TXNRD3: variants seen among roughly 807,000 people sequenced by gnomAD.
TXNRD3 encodes thioredoxin reductase 3.
TXNRD3 carries 68 observed loss-of-function variants against 78.2 expected under a neutral mutation model. The ratio of observed to expected loss-of-function variants is 0.87; its 90% confidence interval spans 0.72 to 1.06. The LOEUF (loss-of-function observed/expected upper bound fraction) is 1.06, where lower values mean the gene tolerates loss of function less well. Ranked by LOEUF, TXNRD3 falls within the 50% of genes least tolerant of loss-of-function variation. TXNRD3 has a pLI of 0.00. For synonymous variants in TXNRD3, 296 were observed against 300.1 expected (o/e 0.99, Z 0.14); for missense variants, 751 against 809.5 (o/e 0.93, Z 0.88).
rs116188089 is a variant in TXNRD3 at position 126,636,207 on chromosome 3, C to A, written c.713-2156G>T. On this transcript the variant is annotated intron_variant, in intron 6 of 15. Coordinates refer to ENST00000524230, the MANE Select transcript of TXNRD3 (RefSeq NM_052883.3). ...CCTGCCACAGTCTCACAAAAGCAAT[C>A]AACTTAACTCATTAGTTCTAATATT... 3.1e-3 allele frequency among the ~76,000 whole-genome samples: 477 copies of A among 152,266 alleles called. 4 individuals carry two copies. Among genetic ancestry groups the A allele is most frequent in the African/African-American group, 0.011 (450 of 41,550 alleles).
intron 10 of TXNRD3, chr3:126,624,776 G>A (rs900119193): frequency 6.6e-5 from 11 of 166,934 alleles, no homozygotes; most frequent in Non-Finnish European, 9.5e-5. Context: ...ATATCCACAC[G>A]GAAAGAAAAG....
intron 6 of TXNRD3, among the ~76,000 whole-genome samples, chr3:126,637,586 G>A (rs146548410): frequency 1.3e-5 from 2 of 151,840 alleles, no homozygotes; most frequent in African/African-American, 4.8e-5. Context: ...TACTTAAAAT[G>A]TAAAATTTCC....
At chr3:126,628,798 T>A (rs570057673) in intron 10 of TXNRD3, among the ~76,000 whole-genome samples, 67 of 152,258 alleles carry the variant, frequency 4.4e-4, no homozygotes, top group African/African-American at 1.6e-3. Context: ...ATAAGGTTGA[T>A]TTTTGGATTT....
chr3:126,631,330 A>G (rs935804069), intron 8 of TXNRD3, among the ~76,000 whole-genome samples: 2 of 152,160 alleles, frequency 1.3e-5, no homozygotes, highest in Non-Finnish European at 2.9e-5. Context: ...AGCTCAAAAA[A>G]GTTTGCAAGT....
At chr3:126,613,491 A>G (rs1938241995) in intron 13 of TXNRD3, among the ~76,000 whole-genome samples, 1 of 152,226 alleles carries the variant, frequency 6.6e-6, no homozygotes, top group Non-Finnish European at 1.5e-5. Flanking sequence ...AGCTCACAAC[A>G]TTGACAAACA....
At chr3:126,622,390 A>G (rs1418118390) in intron 11 of TXNRD3, 74 bp downstream of exon 11, 2 of 1,007,996 alleles carry the variant, frequency 2.0e-6, no homozygotes, top group African/African-American at 3.3e-5. Flanking sequence ...TAATTAAATG[A>G]GAATTTCTTA....
At chr3:126,646,741 A>C (rs1933243227) in intron 2 of TXNRD3, among the ~76,000 whole-genome samples, 1 of 152,224 alleles carries the variant, frequency 6.6e-6, no homozygotes, top group Non-Finnish European at 1.5e-5. Context: ...AGGTTCTATG[A>C]AGGCAGAAAT....
intron 1 of TXNRD3, among the ~76,000 whole-genome samples, chr3:126,652,286 C>T (rs932084982): frequency 6.6e-6 from 1 of 152,118 alleles, no homozygotes; most frequent in Non-Finnish European, 1.5e-5. Flanking sequence ...TGAGAATTCA[C>T]TATCATGAGG....
Position 126,634,025 on chromosome 3 carries a change from T to C in TXNRD3, c.739A>G (p.Lys247Glu), listed in dbSNP as rs1233414997. Residue 247 changes from lysine (K) to glutamate (E), a missense_variant, in exon 7 of 16, where the codon AAA becomes GAA. Transcript: ENST00000524230. ...GAGCTGATGTGGTTCTGAATCGCTT[T>C]TGTCATTGTCTCCCAGTTGTGCCTC... 21 of 1,517,572 alleles carry C rather than the reference T, an allele frequency of 1.4e-5. No individual in the cohort carries two copies. The highest frequency in any genetic ancestry group is 2.1e-5 in the Admixed American group (1 of 48,466). 94.0% of individuals were successfully genotyped at this position (1,517,572 alleles called of 1,614,324 possible).
At chr3:126,650,627 C>T (rs1933366085) in intron 1 of TXNRD3, among the ~76,000 whole-genome samples, 1 of 151,230 alleles carries the variant, frequency 6.6e-6, no homozygotes, top group Non-Finnish European at 1.5e-5. Context: ...GGCAACAGAG[C>T]AAGACCCCAT....
In TXNRD3 at chr3:126,630,817, T is replaced by C; in HGVS notation, c.1092A>G (p.Val364=). 6.5e-7 allele frequency: 1 copy of C among 1,535,614 alleles called. No individual in the cohort carries two copies. The highest frequency in any genetic ancestry group is 1.2e-5 in the South Asian group (1 of 84,040). ...CGAAGCCACGGAGAAGGATTGAGCG[T>C]ACCATAACTGTGACATCTAGGCCAA... The change falls in exon 9 of 16, where the codon GTA becomes GTG. Residue 364 remains valine, a synonymous_variant. Coordinates refer to ENST00000524230, the MANE Select transcript of TXNRD3 (RefSeq NM_052883.3).
At chr3:126,623,388 A>G (rs1559773040) in intron 10 of TXNRD3, among the ~76,000 whole-genome samples, 1 of 152,216 alleles carries the variant, frequency 6.6e-6, no homozygotes, top group Non-Finnish European at 1.5e-5. Flanking sequence ...AGACAAGTGC[A>G]TTAAAAGAAA....
intron 1 of TXNRD3, among the ~76,000 whole-genome samples, chr3:126,653,077 T>A (rs1933428430): frequency 1.3e-5 from 2 of 152,266 alleles, no homozygotes; most frequent in East Asian, 3.8e-4. Flanking sequence ...TTCTCACTAA[T>A]CTCTCTTAAA....
intron 5 of TXNRD3, 101 bp downstream of exon 5, chr3:126,643,880 G>T: frequency 2.7e-6 from 3 of 1,122,906 alleles, no homozygotes; most frequent in South Asian, 1.7e-5. Context: ...AGAAACAGGC[G>T]AGTTATACCT....
intron 1 of TXNRD3, among the ~76,000 whole-genome samples, chr3:126,650,674 T>G (rs902162946): frequency 2.0e-5 from 3 of 152,194 alleles, no homozygotes; most frequent in South Asian, 4.1e-4. Flanking sequence ...AAATCACCTT[T>G]GAAACTAAAC....
chr3:126,655,088 CCCTCGCTGG>C lies in TXNRD3; in HGVS notation c.-107_-99del. On this transcript the variant is annotated 5_prime_UTR_variant, in exon 1 of 16. Transcript: ENST00000524230. ...GGGGCCTGAGGGGCGGCGAACGCTGCCCTCGCTGGCCACTCTCACCACCCGCGCGAATCC... is the reference window on the plus strand; with the variant it reads ...GGGGCCTGAGGGGCGGCGAACGCTGCCCACTCTCACCACCCGCGCGAATCC... The C allele has an allele frequency of 3.1e-6, 4 of 1,298,578 alleles. No homozygotes were observed. Among genetic ancestry groups the C allele is most frequent in the Non-Finnish European group, 3.9e-6 (4 of 1,023,250 alleles). 80.4% of individuals were successfully genotyped at this position (1,298,578 alleles called of 1,614,324 possible). A position where few individuals can be genotyped will look rare whatever the true frequency, so the allele number is the denominator to read the frequency against.
At chr3:126,622,762 A>G (rs541667745) in intron 10 of TXNRD3, among the ~76,000 whole-genome samples, 17 of 152,234 alleles carry the variant, frequency 1.1e-4, no homozygotes, top group Non-Finnish European at 2.1e-4. Context: ...TGTCCCTTCA[A>G]AATTCATATG....
In TXNRD3 at chr3:126,638,142, A is replaced by G. The variant is rs928201772; in HGVS notation, c.712+3890T>C. 2.6e-5 allele frequency among the ~76,000 whole-genome samples: 4 copies of G among 151,670 alleles called. No homozygotes were observed. The South Asian group carries it at 6.2e-4, about 24-fold the overall frequency. On this transcript the variant is annotated intron_variant, in intron 6 of 15. Coordinates refer to ENST00000524230, the MANE Select transcript of TXNRD3 (RefSeq NM_052883.3). ...GTATTTTTAGTAGAGACAGGGTTTC[A>G]TTGTGTTAGCCAGAATGGTCTTGAT...
Position 126,633,915 on chromosome 3 carries a change from T to G in TXNRD3, c.849A>C (p.Lys283Asn), listed in dbSNP as rs2107620304. ...CAAGAAACTCAAGCACTACCTTTAT[T>G]TTATGATGTTCAACAAATTCTCCAT... Residue 283 changes from lysine to asparagine, a missense_variant, in exon 7 of 16, where the codon AAA becomes AAC. Coordinates refer to ENST00000524230, the MANE Select transcript of TXNRD3 (RefSeq NM_052883.3). 1 of 1,498,256 alleles carries G rather than the reference T, an allele frequency of 6.7e-7. No homozygotes were observed. Among genetic ancestry groups the G allele is most frequent in the East Asian group, 2.5e-5 (1 of 40,584 alleles). The allele number at this position is 1,498,256 out of a possible 1,614,324, so 92.8% of individuals were successfully genotyped here. A position where few individuals can be genotyped will look rare whatever the true frequency, so the allele number is the denominator to read the frequency against.
Sources: gnomAD v4.1 joint callset for allele counts (sites outside exome capture counted in the v4.1 genomes callset) on GRCh38, gnomAD v4.1.1 for gene constraint, MANE v1.5 for transcripts, NCBI Gene and HGNC (gene_info 2026-07-23, HGNC 2026-07-21) for gene names.